SLC7A14: variants seen among roughly 807,000 people sequenced by gnomAD.
SLC7A14 encodes the protein solute carrier family 7 member 14.
In SLC7A14, 37 loss-of-function variants were observed where a neutral mutation model predicts 60.2. The observed-to-expected ratio is 0.61, with a 90% CI of 0.47 to 0.81. SLC7A14 has a LOEUF of 0.81. Among genes scored for constraint, SLC7A14 ranks in the 30% least tolerant of loss-of-function variants. The pLI is 0.00. For missense variants in SLC7A14, 886 were observed against 982.7 expected, an observed-to-expected ratio of 0.90 and a Z score of 1.32; for synonymous variants, 399 against 395.8, an observed-to-expected ratio of 1.01 and a Z score of -0.10.
At chr3:170,488,559 T>C (rs1207938396) in intron 4 of SLC7A14, among the ~76,000 whole-genome samples, 2 of 152,250 alleles carry the variant, frequency 1.3e-5, no homozygotes, top group African/African-American at 4.8e-5. Context: ...GATAGTTCCT[T>C]CATTTTTGAC....
At position 170,539,869 on chromosome 3, in the gene SLC7A14, T is replaced by C. The variant is rs144479786; in HGVS notation, c.-152-12781A>G. Among the ~76,000 whole-genome samples the C allele has an allele frequency of 3.0e-3, 454 of 152,346 alleles. 3 individuals carry two copies. The highest frequency in any genetic ancestry group is 0.01 in the African/African-American group (436 of 41,576). ...CCTATGATAAAGTTTAATTAATAGATTAGCCACAGTAAGAGATTAACAACA... is the reference window on the plus strand; with the variant it reads ...CCTATGATAAAGTTTAATTAATAGACTAGCCACAGTAAGAGATTAACAACA... On this transcript the variant is annotated intron_variant, in intron 1 of 7. Transcript: ENST00000231706.
intron 1 of SLC7A14, among the ~76,000 whole-genome samples, chr3:170,548,449 C>G (rs1319544659): frequency 1.3e-5 from 2 of 152,204 alleles, no homozygotes; most frequent in African/African-American, 4.8e-5. Context: ...CCAGAAGATG[C>G]CTCTACCTGT....
rs545767892 is a variant in SLC7A14, at chr3:170,492,285, G to A, written c.760-5917C>T. Among the ~76,000 whole-genome samples, 5 of 152,082 alleles carry A rather than the reference G, an allele frequency of 3.3e-5. No homozygotes were observed. The South Asian group carries it at 1.0e-3, about 32-fold the overall frequency. On this transcript the variant is annotated intron_variant, in intron 4 of 7. Transcript: ENST00000231706. Reference sequence around the variant, plus strand: ...GTGTGCAAGTGTATGTGTATTTCTGGGTTTATTGGTATGTTATCCTAACTC... The same window carrying A: ...GTGTGCAAGTGTATGTGTATTTCTGAGTTTATTGGTATGTTATCCTAACTC...
chr3:170,524,006 T>C (rs529972934), intron 2 of SLC7A14, among the ~76,000 whole-genome samples: 10 of 152,312 alleles, frequency 6.6e-5, no homozygotes, highest in African/African-American at 2.2e-4. Context: ...GCTAGATAAG[T>C]CAGTCATACA....
intron 2 of SLC7A14, among the ~76,000 whole-genome samples, chr3:170,506,625 G>A (rs1186454429): frequency 6.6e-6 from 1 of 152,176 alleles, no homozygotes; most frequent in African/African-American, 2.4e-5. Flanking sequence ...CTTAGGTTTA[G>A]TTCTTTCAGA....
At chr3:170,569,269 CAT>C (rs1714877353) in intron 1 of SLC7A14, among the ~76,000 whole-genome samples, 1 of 151,822 alleles carries the variant, frequency 6.6e-6, no homozygotes, top group Admixed American at 6.6e-5. Context: ...TTGAGATAAT[CAT>C]GTGGTTTTTG....
At chr3:170,506,944 G>T (rs999577471) in intron 2 of SLC7A14, among the ~76,000 whole-genome samples, 17 of 152,146 alleles carry the variant, frequency 1.1e-4, no homozygotes, top group Non-Finnish European at 1.9e-4. Flanking sequence ...TTATTATGTT[G>T]CCTGATCATA....
intron 7 of SLC7A14, among the ~76,000 whole-genome samples, chr3:170,473,657 C>T (rs1711514393): frequency 6.6e-6 from 1 of 152,162 alleles, no homozygotes; most frequent in African/African-American, 2.4e-5. Context: ...TCCTTCCCAC[C>T]CCCACCTCAA....
chr3:170,555,361 G>T lies in SLC7A14; in HGVS notation c.-152-28273C>A, dbSNP rs547860940. Among the ~76,000 whole-genome samples, 71 of 152,072 alleles carry T rather than the reference G, an allele frequency of 4.7e-4. 1 individual carries two copies. The South Asian group carries it at 0.014, about 30-fold the overall frequency. On this transcript the variant is annotated intron_variant, in intron 1 of 7. Coordinates refer to ENST00000231706, the MANE Select transcript of SLC7A14 (RefSeq NM_020949.3). ...AATGGTCTGAAATTATGTTCAATCT[G>T]TATATACAATATTGTATCCTGCTGT...
intron 4 of SLC7A14, among the ~76,000 whole-genome samples, chr3:170,488,573 G>A (rs1013972294): frequency 6.6e-6 from 1 of 152,172 alleles, no homozygotes. Flanking sequence ...TTTTGACAAA[G>A]GTGCCAAGAA....
intron 2 of SLC7A14, among the ~76,000 whole-genome samples, chr3:170,517,153 A>G (rs1397494328): frequency 3.9e-5 from 6 of 152,236 alleles, no homozygotes; most frequent in Non-Finnish European, 7.3e-5. Flanking sequence ...TAATAACAAT[A>G]AAACTGATAG....
At chr3:170,555,753 A>T (rs933215950) in intron 1 of SLC7A14, among the ~76,000 whole-genome samples, 2 of 152,238 alleles carry the variant, frequency 1.3e-5, no homozygotes, top group African/African-American at 4.8e-5. Context: ...TTATAATCTT[A>T]TGGGACCACG....
At chr3:170,577,356 C>T (rs532412444) in intron 1 of SLC7A14, among the ~76,000 whole-genome samples, 6 of 152,098 alleles carry the variant, frequency 3.9e-5, no homozygotes, top group African/African-American at 1.2e-4. Flanking sequence ...CGGTGGCTCA[C>T]GCCTGTAATC....
chr3:170,569,282 T>C (rs1714877629), intron 1 of SLC7A14, among the ~76,000 whole-genome samples: 1 of 151,992 alleles, frequency 6.6e-6, no homozygotes, highest in Non-Finnish European at 1.5e-5. Flanking sequence ...GTGGTTTTTG[T>C]CTTTGGTTCT....
chr3:170,574,537 A>G (rs1433824422), intron 1 of SLC7A14, among the ~76,000 whole-genome samples: 2 of 152,214 alleles, frequency 1.3e-5, no homozygotes, highest in Non-Finnish European at 2.9e-5. Context: ...CTTCCTGAGC[A>G]CACTGTTTCC....
At chr3:170,552,671 C>T (rs2108305927) in intron 1 of SLC7A14, among the ~76,000 whole-genome samples, 1 of 152,292 alleles carries the variant, frequency 6.6e-6, no homozygotes, top group Non-Finnish European at 1.5e-5. Context: ...ATTTCTAGAA[C>T]ATTGCTTAGG....
intron 5 of SLC7A14, among the ~76,000 whole-genome samples, 175 bp from the exon 6 acceptor site, chr3:170,483,697 C>T (rs1248557683): frequency 1.3e-5 from 2 of 152,214 alleles, no homozygotes; most frequent in East Asian, 3.9e-4. Flanking sequence ...GCCTCTAGGC[C>T]TTGCTCAATA....
chr3:170,483,552 G>A (rs1299283366), intron 5 of SLC7A14, 30 bp from the exon 6 acceptor site: 5 of 1,612,644 alleles, frequency 3.1e-6, no homozygotes, highest in Non-Finnish European at 4.2e-6. Context: ...CAGGGCTGGA[G>A]GTACAGGGGA....
intron 4 of SLC7A14, among the ~76,000 whole-genome samples, chr3:170,493,224 G>A (rs973427023): frequency 7.2e-5 from 11 of 152,210 alleles, no homozygotes; most frequent in Non-Finnish European, 1.3e-4. Context: ...TTGATATAGG[G>A]AAAAATGTTT....
Sources: allele counts gnomAD v4.1 joint callset (sites outside exome capture counted in the v4.1 genomes callset), GRCh38; gene constraint gnomAD v4.1.1; transcripts MANE v1.5; gene names NCBI Gene and HGNC (gene_info 2026-07-23, HGNC 2026-07-21).